The following ANK2 variants were observed in gnomAD, a reference collection of about 807,000 sequenced individuals.
ANK2 encodes ankyrin 2.
Under a neutral mutation model 360.5 loss-of-function variants are expected in ANK2, and 83 were observed. The ratio of observed to expected loss-of-function variants is 0.23; its 90% CI spans 0.19 to 0.28. The LOEUF is 0.28. Among genes scored for constraint, ANK2 ranks in the 10% least tolerant of loss-of-function variants. The pLI, the probability that ANK2 is intolerant of heterozygous loss-of-function variation, is 1.00. For missense variants in ANK2, 4,201 were observed against 4,795.7 expected (o/e 0.88, Z 3.66); for synonymous variants, 1,740 against 1,759.5 (o/e 0.99, Z 0.28).
At chr4:113,265,605 A>G (rs2055515727) in intron 14 of ANK2, among the ~76,000 whole-genome samples, 1 of 152,172 alleles carries the variant, frequency 6.6e-6, no homozygotes, top group Admixed American at 6.5e-5. Context: ...ATAGCTTGTA[A>G]TTCCTTCACA....
At chr4:112,885,421 C>T (rs944939197) in intron 1 of ANK2, among the ~76,000 whole-genome samples, 10 of 151,700 alleles carry the variant, frequency 6.6e-5, no homozygotes, top group African/African-American at 2.4e-4. Context: ...ATCGCTTGAA[C>T]CCGGGAAGCC....
chr4:112,755,549 A>G, the ANK2 span, among the ~76,000 whole-genome samples: 3 of 152,178 alleles, frequency 2.0e-5, no homozygotes, highest in Non-Finnish European at 4.4e-5. Context: ...CACAAAGTAC[A>G]TTCTCAAGGG....
At chr4:113,053,846 C>T (rs1035392254) in intron 1 of ANK2, among the ~76,000 whole-genome samples, 11 of 152,320 alleles carry the variant, frequency 7.2e-5, no homozygotes, top group Admixed American at 2.6e-4. Flanking sequence ...AATTCTCTCT[C>T]ATCCTCTCAA....
At chr4:113,342,727 A>G (rs926021506) in intron 33 of ANK2, among the ~76,000 whole-genome samples, 2 of 152,008 alleles carry the variant, frequency 1.3e-5, no homozygotes, top group Non-Finnish European at 2.9e-5. Flanking sequence ...ACCCAAGCAT[A>G]AGTTTAAATT....
chr4:113,199,957 G>A (rs570688094), intron 4 of ANK2, among the ~76,000 whole-genome samples: 2 of 152,054 alleles, frequency 1.3e-5, no homozygotes, highest in Non-Finnish European at 2.9e-5. Context: ...AATTACCTAG[G>A]CATGGCTCTA....
chr4:113,156,371 C>CTTTTTTTTTTTTTTTTTTTT lies in ANK2; in HGVS notation c.85-18035_85-18034insTTTTTTTTTTTTTTTTTTTT, dbSNP rs150536846. ...CGTATAGAGTATATGTAGAAAAATT[C>CTTTTTTTTTTTTTTTTTTTT]TTTTTTTTTTGTTTTTGAGACAGAG... is the stretch of plus-strand genomic sequence containing the variant. On this transcript the variant is annotated intron_variant, in intron 1 of 45. Transcript: ENST00000357077. Among the ~76,000 whole-genome samples the CTTTTTTTTTTTTTTTTTTTT allele has an allele frequency of 4.4e-4, 56 of 128,492 alleles. 1 individual carries two copies. Among genetic ancestry groups the CTTTTTTTTTTTTTTTTTTTT allele is most frequent in the African/African-American group, 1.1e-3 (36 of 34,252 alleles). The allele number at this position is 128,492 out of a possible 152,430, so 84.3% of individuals were successfully genotyped here. A position where few individuals can be genotyped will look rare whatever the true frequency, so the allele number is the denominator to read the frequency against.
intron 2 of ANK2, among the ~76,000 whole-genome samples, chr4:112,960,485 A>G (rs1250162041): frequency 1.3e-5 from 2 of 152,230 alleles, no homozygotes; most frequent in South Asian, 2.1e-4. Flanking sequence ...CTCAAATGTA[A>G]TCGCTGTTTT....
chr4:113,007,626 A>G (rs2154290456), intron 2 of ANK2, among the ~76,000 whole-genome samples: 1 of 152,288 alleles, frequency 6.6e-6, no homozygotes, highest in South Asian at 2.1e-4. Flanking sequence ...TAAGACTTCG[A>G]TTGCTAAACA....
chr4:112,786,932 A>G, the ANK2 span, among the ~76,000 whole-genome samples: 1 of 151,882 alleles, frequency 6.6e-6, no homozygotes, highest in Non-Finnish European at 1.5e-5. Context: ...TATATTTAGT[A>G]GAGATGGGGA....
intron 2 of ANK2, among the ~76,000 whole-genome samples, chr4:112,949,492 T>C (rs2094789546): frequency 6.6e-6 from 1 of 152,196 alleles, no homozygotes; most frequent in African/African-American, 2.4e-5. Flanking sequence ...GTTAACTCAG[T>C]TTGGGGCCTC....
At chr4:113,114,203 T>C (rs2094550573) in intron 1 of ANK2, among the ~76,000 whole-genome samples, 1 of 151,928 alleles carries the variant, frequency 6.6e-6, no homozygotes, top group Non-Finnish European at 1.5e-5. Flanking sequence ...CCGAGGTGAG[T>C]TGATTTAAGA....
intron 2 of ANK2, among the ~76,000 whole-genome samples, chr4:112,957,687 G>A (rs1255961405): frequency 9.5e-5 from 14 of 148,038 alleles, no homozygotes; most frequent in African/African-American, 3.0e-4. Context: ...CTGGCTGGGC[G>A]GGGGGCTGAC....
intron 1 of ANK2, among the ~76,000 whole-genome samples, chr4:113,062,217 C>G (rs1180427699): frequency 1.3e-5 from 2 of 152,034 alleles, no homozygotes; most frequent in African/African-American, 4.8e-5. Flanking sequence ...ATTTTTAACT[C>G]TCTATGTCAG....
At chr4:112,899,902 G>C (rs2082789117) in intron 1 of ANK2, among the ~76,000 whole-genome samples, 1 of 152,070 alleles carries the variant, frequency 6.6e-6, no homozygotes, top group South Asian at 2.1e-4. Context: ...AAAAACCACA[G>C]GCTGAATGAA....
intron 1 of ANK2, among the ~76,000 whole-genome samples, chr4:113,076,803 GA>G (rs11398989): frequency 6.9e-4 from 99 of 143,322 alleles, no homozygotes; most frequent in East Asian, 2.1e-3. Flanking sequence ...CTCAAAAAAA[GA>G]AAAAAAAAAA....
chr4:113,288,927 T>C (rs1225804981), intron 20 of ANK2, among the ~76,000 whole-genome samples: 1 of 152,074 alleles, frequency 6.6e-6, no homozygotes. Flanking sequence ...ATGGACATGC[T>C]CAGTGAGGCA....
chr4:113,084,831 A>G (rs1287783502), intron 1 of ANK2, among the ~76,000 whole-genome samples: 1 of 152,210 alleles, frequency 6.6e-6, no homozygotes, highest in African/African-American at 2.4e-5. Flanking sequence ...CAATATCCAG[A>G]TAGTATTTTG....
At chr4:113,350,126 A>C in intron 36 of ANK2, 102 bp from the exon 37 acceptor site, 1 of 1,049,462 alleles carries the variant, frequency 9.5e-7, no homozygotes, top group Non-Finnish European at 1.5e-6. Context: ...CTATGGTGTC[A>C]CCCAACATGT....
intron 23 of ANK2, among the ~76,000 whole-genome samples, chr4:113,308,830 G>A (rs2078479099): frequency 1.3e-5 from 2 of 152,138 alleles, no homozygotes; most frequent in African/African-American, 4.8e-5. Context: ...CTGTAACAGA[G>A]GAGAGAAGGT....
Sources: gnomAD v4.1 joint callset for allele counts (sites outside exome capture counted in the v4.1 genomes callset) on GRCh38, gnomAD v4.1.1 for gene constraint, MANE v1.5 for transcripts, NCBI Gene and HGNC (gene_info 2026-07-23, HGNC 2026-07-21) for gene names.